PFKFB2: variants seen among roughly 807,000 people sequenced by gnomAD.
PFKFB2 encodes the protein 6-phosphofructo-2-kinase/fructose-2,6-biphosphatase 2.
Under a neutral mutation model 68.0 loss-of-function variants are expected in PFKFB2, and 53 were observed. That is an observed-to-expected ratio of 0.78 (90% CI 0.63 to 0.98). The LOEUF (loss-of-function observed/expected upper bound fraction) is 0.98. PFKFB2 is among the 50% of genes least tolerant of loss of function. The pLI is 0.00. For synonymous variants in PFKFB2, 222 were observed against 227.6 expected (o/e 0.98, Z 0.22); for missense variants, 451 against 642.0 (o/e 0.70, Z 3.22).
intron 3 of PFKFB2, 81 bp from the exon 4 acceptor site, chr1:207,062,539 G>A (rs1010503150): frequency 2.3e-5 from 36 of 1,564,978 alleles, no homozygotes; most frequent in Non-Finnish European, 2.8e-5. Flanking sequence ...TGGTCACTCC[G>A]ACATTAGGCC....
At chr1:207,055,024 A>C (rs1572715946) in intron 2 of PFKFB2, 5 of 475,638 alleles carry the variant, frequency 1.1e-5, no homozygotes, top group Non-Finnish European at 1.9e-5. Context: ...GCAGTTTCTT[A>C]CTGCTTTCTT....
downstream of PFKFB2, chr1:207,079,594 T>G (rs896590947): frequency 1.3e-5 from 2 of 152,650 alleles, no homozygotes; most frequent in African/African-American, 4.8e-5. Flanking sequence ...ACAGTGTCAG[T>G]GGCAACCTTT....
In PFKFB2 at chr1:207,076,769, G is replaced by A. The variant is rs1683637899; in HGVS notation, c.*4398G>A. 1.0e-6 allele frequency: 1 copy of A among 967,234 alleles called. No individual in the cohort carries two copies. The highest frequency in any genetic ancestry group is 5.3e-4 in the Middle Eastern group (1 of 1,896). 59.9% of individuals were successfully genotyped at this position (967,234 alleles called of 1,614,324 possible). On this transcript the variant is annotated 3_prime_UTR_variant, in exon 15 of 15. Transcript: ENST00000367080. ...ATCTGTTTGTCACTGACAGACTGTA[G>A]TAGTGTCTGTGTGCTGACTGATAGA...
chr1:207,076,589 T>A lies in PFKFB2; in HGVS notation c.*4218T>A. ...TGTCCAGGGATTTAATTTAGACCCA[T>A]ACTGTCCAGGAGACTGTCTCTAGTT... is the stretch of plus-strand genomic sequence containing the variant. On this transcript the variant is annotated 3_prime_UTR_variant, in exon 15 of 15. Transcript: ENST00000367080. The A allele has an allele frequency of 1.2e-6, 1 of 853,604 alleles. No individual in the cohort carries two copies. Among genetic ancestry groups the A allele is most frequent in the Non-Finnish European group, 1.4e-6 (1 of 740,542 alleles). The allele number at this position is 853,604 out of a possible 1,614,324, so 52.9% of individuals were successfully genotyped here.
rs777159575 is a variant in PFKFB2 at position 207,063,208 on chromosome 1, C to T, written c.374C>T (p.Ala125Val). The change falls in exon 5 of 15, where the codon GCG becomes GTG. Residue 125 changes from alanine to valine, a missense_variant and splice_region_variant. Ala to Val is a moderately conservative substitution (Grantham distance 64). Transcript: ENST00000367080. The surrounding 1 kb of genome is among the most constrained non-coding windows in gnomAD (Gnocchi z 4.1). Reference protein sequence around the residue: ...AYLTEENGQIAVFDATNTTRE... With the variant: ...AYLTEENGQIVVFDATNTTRE... ...CTCACTGAGGAGAATGGTCAGATTG[C>T]GGTAAGCTTTATCTGCTGCTTCTTC... 8.1e-6 allele frequency: 13 copies of T among 1,612,612 alleles called. No homozygotes were observed. The highest frequency in any genetic ancestry group is 4.4e-5 in the South Asian group (4 of 91,062).
At chr1:207,079,209 A>G, downstream of PFKFB2, 1 of 605,314 alleles carries the variant, frequency 1.7e-6, no homozygotes, top group South Asian at 1.9e-5. Flanking sequence ...AGTTACACTG[A>G]AAAATTTAAC....
chr1:207,061,186 T>G (rs1386019731), intron 2 of PFKFB2, among the ~76,000 whole-genome samples: 1 of 114,750 alleles, frequency 8.7e-6, no homozygotes, highest in African/African-American at 3.3e-5. Context: ...TATATATATA[T>G]ATATATATAT....
At position 207,070,693 on chromosome 1, in the gene PFKFB2, T is replaced by C; in HGVS notation, c.1222+284T>C. The stretch of plus-strand genomic sequence containing the variant: ...GACACTCCTGGCAGCATCAGGACAG[T>C]GGTTGAATATTCCCAGCCTGCCACG... On this transcript the variant is annotated intron_variant, in intron 12 of 14. Transcript: ENST00000367080. This position sits in a 1 kb window ranked among gnomAD's most constrained non-coding sequence, Gnocchi z 4.2. 1 of 359,682 alleles carries C rather than the reference T, an allele frequency of 2.8e-6. No homozygotes were observed. Among genetic ancestry groups the C allele is most frequent in the Non-Finnish European group, 5.2e-6 (1 of 193,058 alleles). 22.3% of individuals were successfully genotyped at this position (359,682 alleles called of 1,614,324 possible).
rs4030464 is a variant in PFKFB2, at chr1:207,068,095, A to AGTGTGTGTGTGTGT, written c.841-59_841-46dup. On this transcript the variant is annotated intron_variant, in intron 9 of 14. Coordinates refer to ENST00000367080, the MANE Select transcript of PFKFB2 (RefSeq NM_006212.2). ...GCAGGCTTTGTGTATGTGTGTGTTG[A>AGTGTGTGTGTGTGT]GTGTGTGTGTGTGTGTGTGTGTCTG... The AGTGTGTGTGTGTGT allele has an allele frequency of 3.4e-3, 3,766 of 1,093,862 alleles. 60 individuals carry two copies. In the African/African-American group the frequency reaches 0.041, roughly 12 times the overall value. The allele number at this position is 1,093,862 out of a possible 1,614,324, so 67.8% of individuals were successfully genotyped here.
Position 207,063,974 on chromosome 1 carries a change from A to G in PFKFB2, c.507+145A>G. On this transcript the variant is annotated intron_variant, in intron 7 of 14. Transcript: ENST00000367080. The surrounding 1 kb of genome is among the most constrained non-coding windows in gnomAD (Gnocchi z 4.1). ...AGAAATAGACATGTTTAACATCACA[A>G]AGAGATCTTTTCTATCTGCCAGAGC... is the stretch of plus-strand genomic sequence containing the variant. 1.4e-6 allele frequency: 1 copy of G among 709,650 alleles called. No homozygotes were observed. The highest frequency in any genetic ancestry group is 2.5e-6 in the Non-Finnish European group (1 of 392,956). The allele number at this position is 709,650 out of a possible 1,614,324, so 44.0% of individuals were successfully genotyped here. A position where few individuals can be genotyped will look rare whatever the true frequency, so the allele number is the denominator to read the frequency against.
chr1:207,075,086 C>G lies in PFKFB2; in HGVS notation c.*2715C>G. 1.0e-6 allele frequency: 1 copy of G among 985,422 alleles called. No individual in the cohort carries two copies. Among genetic ancestry groups the G allele is most frequent in the Non-Finnish European group, 1.2e-6 (1 of 829,910 alleles). The allele number at this position is 985,422 out of a possible 1,614,324, so 61.0% of individuals were successfully genotyped here. On this transcript the variant is annotated 3_prime_UTR_variant, in exon 15 of 15. Coordinates refer to ENST00000367080, the MANE Select transcript of PFKFB2 (RefSeq NM_006212.2). Reference sequence around the variant, plus strand: ...AGACCTAATGAATGAGAAGAGGGAGCACTTTGATCCACAGACTTTGGATTA... The same window carrying G: ...AGACCTAATGAATGAGAAGAGGGAGGACTTTGATCCACAGACTTTGGATTA...
At chr1:207,077,868 C>G (rs1366497737), downstream of PFKFB2, 3 of 884,558 alleles carry the variant, frequency 3.4e-6, no homozygotes, top group Non-Finnish European at 4.1e-6. Context: ...TGTTTCCCAT[C>G]CCTTCCCCAC....
Position 207,069,435 on chromosome 1 carries a change from A to G in PFKFB2, c.999A>G (p.Glu333=). Residue 333 remains glutamate (E), a synonymous_variant, in exon 11 of 15, where the codon GAA becomes GAG. Transcript: ENST00000367080. ...ILNEIDAGVC[E]EMTYAEIEKR... Reference sequence around the variant, plus strand: ...GTGGCTTTTTGCAGGGTGTGTGTGAAGAGATGACCTATGCAGAGATTGAGA... The same window carrying G: ...GTGGCTTTTTGCAGGGTGTGTGTGAGGAGATGACCTATGCAGAGATTGAGA... 1 of 1,613,378 alleles carries G rather than the reference A, an allele frequency of 6.2e-7. No homozygotes were observed. Among genetic ancestry groups the G allele is most frequent in the South Asian group, 1.1e-5 (1 of 91,050 alleles).
chr1:207,071,043 G>T, intron 12 of PFKFB2, 145 bp from the exon 13 acceptor site: 1 of 665,290 alleles, frequency 1.5e-6, no homozygotes. Context: ...TTGTGGTCTG[G>T]GGTTTAAGGG....
chr1:207,071,081 C>A, intron 12 of PFKFB2, 107 bp from the exon 13 acceptor site: 1 of 896,666 alleles, frequency 1.1e-6, no homozygotes, highest in South Asian at 1.5e-5. Flanking sequence ...AAGAGGTGGT[C>A]AAAGTAAGGG....
At chr1:207,065,724 G>T (rs999269133) in intron 8 of PFKFB2, among the ~76,000 whole-genome samples, 1 of 152,100 alleles carries the variant, frequency 6.6e-6, no homozygotes, top group Non-Finnish European at 1.5e-5. Flanking sequence ...AGTATTATTG[G>T]CACTTTGAAC....
upstream of PFKFB2, chr1:207,052,062 A>G: frequency 2.6e-6 from 2 of 774,488 alleles, no homozygotes; most frequent in Non-Finnish European, 4.3e-6. Context: ...ATCCATACTC[A>G]TTGTTCTTTA....
chr1:207,076,661 G>A lies in PFKFB2; in HGVS notation c.*4290G>A, dbSNP rs1055796159. ...GACAGACAGACTTTAGTGTCTGTGTGCTGACTGACAGACTCTAGTAGTGTC... is the reference window on the plus strand; with the variant it reads ...GACAGACAGACTTTAGTGTCTGTGTACTGACTGACAGACTCTAGTAGTGTC... On this transcript the variant is annotated 3_prime_UTR_variant, in exon 15 of 15. Coordinates refer to ENST00000367080, the MANE Select transcript of PFKFB2 (RefSeq NM_006212.2). The A allele has an allele frequency of 4.1e-6, 4 of 983,194 alleles. No individual in the cohort carries two copies. The highest frequency in any genetic ancestry group is 4.8e-6 in the Non-Finnish European group (4 of 828,024). The allele number at this position is 983,194 out of a possible 1,614,324, so 60.9% of individuals were successfully genotyped here. A position where few individuals can be genotyped will look rare whatever the true frequency, so the allele number is the denominator to read the frequency against.
chr1:207,049,242 G>A (rs1682673550), upstream of PFKFB2: 1 of 1,613,968 alleles, frequency 6.2e-7, no homozygotes, highest in Non-Finnish European at 8.5e-7. Context: ...CTGGATCAGG[G>A]AAGTTACGCT....
Sources: gnomAD v4.1 joint callset for allele counts (sites outside exome capture counted in the v4.1 genomes callset) on GRCh38, gnomAD v4.1.1 for gene constraint, Gnocchi (gnomAD v3.1) non-coding constraint, MANE v1.5 for transcripts, NCBI Gene and HGNC (gene_info 2026-07-23, HGNC 2026-07-21) for gene names.